Variants in CNBD1 observed in about 807,000 individuals in gnomAD.
CNBD1 encodes cyclic nucleotide-binding domain-containing protein 1.
CNBD1 carries 71 observed loss-of-function variants against 54.4 expected under a neutral mutation model. That is an observed-to-expected ratio of 1.30 (90% CI 1.08 to 1.59). CNBD1 has a LOEUF of 1.59. Ranked by LOEUF, CNBD1 falls within the 40% of genes most tolerant of loss-of-function variation. CNBD1 has a pLI of 0.00. For missense variants in CNBD1, 659 were observed against 518.0 expected, an observed-to-expected ratio of 1.27 and a Z score of -2.64; for synonymous variants, 182 against 170.7, an observed-to-expected ratio of 1.07 and a Z score of -0.51.
At chr8:87,328,900 A>G (rs1416878860) in intron 8 of CNBD1, among the ~76,000 whole-genome samples, 2 of 152,086 alleles carry the variant, frequency 1.3e-5, no homozygotes, top group Non-Finnish European at 2.9e-5. Flanking sequence ...CCATTTATGA[A>G]TTAATAAAAA....
At chr8:87,405,561 A>G (rs1277310339) in intron 2 of CNBD1, among the ~76,000 whole-genome samples, 2 of 152,130 alleles carry the variant, frequency 1.3e-5, no homozygotes, top group African/African-American at 4.8e-5. Context: ...AGACAAGGTT[A>G]CCACTTTTCT....
At chr8:87,366,937 G>C (rs917737646) in intron 10 of CNBD1, among the ~76,000 whole-genome samples, 3 of 151,970 alleles carry the variant, frequency 2.0e-5, no homozygotes, top group Non-Finnish European at 4.4e-5. Context: ...CCTTCAAAGA[G>C]TTTTGGATAT....
rs1053523879 is a variant in CNBD1, at chr8:87,182,607, C to G, written c.432-23386C>G. Among the ~76,000 whole-genome samples, 3 of 152,058 alleles carry G rather than the reference C, an allele frequency of 2.0e-5. No homozygotes were observed. The highest frequency in any genetic ancestry group is 6.5e-5 in the Admixed American group (1 of 15,272). The stretch of plus-strand genomic sequence containing the variant: ...CATTCTGACTGATACGAGATGGTAT[C>G]TCATCGTGGTTTTGATTTGCATTTC... On this transcript the variant is annotated intron_variant, in intron 4 of 10. Coordinates refer to ENST00000518476, the MANE Select transcript of CNBD1 (RefSeq NM_173538.3). The surrounding 1 kb of genome is among the most constrained non-coding windows in gnomAD (Gnocchi z 4.1).
At chr8:87,178,416 A>T (rs1028848613) in intron 4 of CNBD1, among the ~76,000 whole-genome samples, 4 of 152,224 alleles carry the variant, frequency 2.6e-5, no homozygotes, top group Non-Finnish European at 5.9e-5. Context: ...TGAAGCAGAC[A>T]AAATTGGAAA....
intron 2 of CNBD1, among the ~76,000 whole-genome samples, chr8:86,890,595 C>T (rs1342415147): frequency 1.3e-5 from 2 of 152,048 alleles, no homozygotes; most frequent in Non-Finnish European, 2.9e-5. Context: ...TCTTTGGATA[C>T]ATACCCAGAA....
At chr8:87,387,863 A>T (rs1262460187) in intron 2 of CNBD1, among the ~76,000 whole-genome samples, 2 of 152,070 alleles carry the variant, frequency 1.3e-5, no homozygotes, top group African/African-American at 2.4e-5. Context: ...GAAGTAAAGC[A>T]CTCCTCAGCA....
chr8:87,155,669 G>A (rs1812698820), intron 4 of CNBD1, among the ~76,000 whole-genome samples: 1 of 152,184 alleles, frequency 6.6e-6, no homozygotes, highest in East Asian at 1.9e-4. Context: ...GAGTGGGCAT[G>A]CCTTAGGAAT....
At chr8:87,385,206 G>A (rs1811157842), downstream of CNBD1, among the ~76,000 whole-genome samples, 1 of 152,138 alleles carries the variant, frequency 6.6e-6, no homozygotes, top group African/African-American at 2.4e-5. Flanking sequence ...CGCAGAAGAT[G>A]GGTGATTTCT....
At chr8:87,038,640 G>T (rs1244762628) in intron 4 of CNBD1, among the ~76,000 whole-genome samples, 1 of 152,146 alleles carries the variant, frequency 6.6e-6, no homozygotes, top group African/African-American at 2.4e-5. Flanking sequence ...TTGTATTCAG[G>T]CTCCTCACAT....
Position 87,261,529 on chromosome 8 carries a change from CAAA to C in CNBD1, c.772-23133_772-23131del, listed in dbSNP as rs34576530. 7.8e-3 allele frequency among the ~76,000 whole-genome samples: 938 copies of C among 120,220 alleles called. 12 individuals carry two copies. The highest frequency in any genetic ancestry group is 0.025 in the African/African-American group (840 of 33,138). 78.9% of individuals were successfully genotyped at this position (120,220 alleles called of 152,430 possible). A position where few individuals can be genotyped will look rare whatever the true frequency, so the allele number is the denominator to read the frequency against. ...TGGTGGAAGAAGTTTTATTTATAGACAAAAAAAAAAAAAAAAAAGAGAAATGAC... is the reference window on the plus strand; with the variant it reads ...TGGTGGAAGAAGTTTTATTTATAGACAAAAAAAAAAAAAAAGAGAAATGAC... On this transcript the variant is annotated intron_variant, in intron 6 of 10. Coordinates refer to ENST00000518476, the MANE Select transcript of CNBD1 (RefSeq NM_173538.3).
At chr8:87,387,089 A>T (rs1257624370), downstream of CNBD1, among the ~76,000 whole-genome samples, 1 of 152,220 alleles carries the variant, frequency 6.6e-6, no homozygotes, top group Non-Finnish European at 1.5e-5. Flanking sequence ...CCTGCCCTAA[A>T]AGAGCTCCTG....
intron 6 of CNBD1, among the ~76,000 whole-genome samples, chr8:87,269,346 A>C (rs557961132): frequency 6.6e-6 from 1 of 152,224 alleles, no homozygotes; most frequent in East Asian, 1.9e-4. Context: ...TTTTGAAGTT[A>C]GATAATGTGA....
At chr8:87,102,566 CTGACATT>C (rs1039265301) in intron 4 of CNBD1, among the ~76,000 whole-genome samples, 2 of 152,118 alleles carry the variant, frequency 1.3e-5, no homozygotes, top group Non-Finnish European at 2.9e-5. Flanking sequence ...GTAAACAACT[CTGACATT>C]TGAAAGACAT....
chr8:87,239,669 C>A (rs1477654692), intron 6 of CNBD1, among the ~76,000 whole-genome samples: 1 of 152,106 alleles, frequency 6.6e-6, no homozygotes, highest in Non-Finnish European at 1.5e-5. Flanking sequence ...TGAAAAACAT[C>A]TAATCCAAGG....
chr8:87,380,824 T>A (rs1183720179), intron 10 of CNBD1, among the ~76,000 whole-genome samples: 1 of 152,068 alleles, frequency 6.6e-6, no homozygotes, highest in African/African-American at 2.4e-5. Flanking sequence ...AAAATAGCAT[T>A]GGAAAATTGG....
At chr8:87,370,105 A>G (rs1045268005) in intron 10 of CNBD1, among the ~76,000 whole-genome samples, 2 of 151,590 alleles carry the variant, frequency 1.3e-5, no homozygotes, top group African/African-American at 4.9e-5. Flanking sequence ...TATGTGCCAC[A>G]TTTTCTTAAT....
chr8:86,867,590 C>T (rs1026051393), intron 1 of CNBD1, among the ~76,000 whole-genome samples: 1 of 152,062 alleles, frequency 6.6e-6, no homozygotes, highest in South Asian at 2.1e-4. Context: ...AAATTAATTC[C>T]ATTTGTATTA....
At chr8:87,095,260 T>C (rs1025566327) in intron 4 of CNBD1, among the ~76,000 whole-genome samples, 2 of 152,244 alleles carry the variant, frequency 1.3e-5, no homozygotes, top group Admixed American at 1.3e-4. Flanking sequence ...TTTTTAGGAC[T>C]AAGACGTTGG....
intron 8 of CNBD1, among the ~76,000 whole-genome samples, chr8:87,315,319 ATC>A (rs1809361468): frequency 2.6e-5 from 4 of 152,050 alleles, no homozygotes; most frequent in African/African-American, 9.7e-5. Flanking sequence ...TACCTCTGGT[ATC>A]TCTGTTTGTT....
Sources: allele counts gnomAD v4.1 joint callset (sites outside exome capture counted in the v4.1 genomes callset), GRCh38; gene constraint gnomAD v4.1.1; non-coding constraint Gnocchi (gnomAD v3.1); transcripts MANE v1.5; gene names NCBI Gene and HGNC (gene_info 2026-07-23, HGNC 2026-07-21).